The following ADGRV1 variants were observed in gnomAD, a reference collection of about 807,000 sequenced individuals.
The protein encoded by ADGRV1 is adhesion G protein-coupled receptor V1.
Under a neutral mutation model 596.2 loss-of-function variants are expected in ADGRV1, and 359 were observed. That is an observed-to-expected ratio of 0.60 (90% CI 0.55 to 0.66). The LOEUF is 0.66. Ranked by LOEUF, ADGRV1 falls within the 30% of genes least tolerant of loss-of-function variation. ADGRV1 has a pLI of 0.00. For missense variants in ADGRV1, 7,274 were observed against 7,575.6 expected, an observed-to-expected ratio of 0.96 and a Z score of 1.48; for synonymous variants, 2,681 against 2,679.2, an observed-to-expected ratio of 1.00 and a Z score of -0.02.
At chr5:90,930,713 C>T (rs1775163535) in intron 83 of ADGRV1, among the ~76,000 whole-genome samples, 2 of 152,068 alleles carry the variant, frequency 1.3e-5, no homozygotes, top group Non-Finnish European at 2.9e-5. Context: ...TTTTACTGCC[C>T]TAATCAACTT....
intron 1 of ADGRV1, among the ~76,000 whole-genome samples, chr5:90,563,070 T>G (rs1755068340): frequency 1.3e-5 from 2 of 152,228 alleles, no homozygotes; most frequent in African/African-American, 4.8e-5. Flanking sequence ...TCTGAGGTGC[T>G]GGTAGGGGCC....
chr5:90,632,744 A>G (rs1390535154), intron 9 of ADGRV1, among the ~76,000 whole-genome samples: 1 of 152,244 alleles, frequency 6.6e-6, no homozygotes, highest in Non-Finnish European at 1.5e-5. Context: ...TGGGTTAGAA[A>G]GTTGCACCAC....
At chr5:90,657,871 G>A in intron 20 of ADGRV1, 34 bp from the exon 21 acceptor site, 1 of 1,568,646 alleles carries the variant, frequency 6.4e-7, no homozygotes, top group Non-Finnish European at 8.7e-7. Flanking sequence ...ACACTTGAAG[G>A]TATTGTAGCA....
At chr5:90,722,262 G>C (rs1442017883) in intron 45 of ADGRV1, among the ~76,000 whole-genome samples, 1 of 152,144 alleles carries the variant, frequency 6.6e-6, no homozygotes, top group Non-Finnish European at 1.5e-5. Flanking sequence ...CTTCTAGCTT[G>C]TGCAGTTGGA....
intron 70 of ADGRV1, among the ~76,000 whole-genome samples, chr5:90,801,953 A>T (rs1418767091): frequency 6.6e-6 from 1 of 152,256 alleles, no homozygotes; most frequent in East Asian, 1.9e-4. Flanking sequence ...AACATAAATC[A>T]GTACACTGAA....
intron 62 of ADGRV1, among the ~76,000 whole-genome samples, 160 bp downstream of exon 62, chr5:90,778,203 C>T (rs542832241): frequency 4.7e-5 from 7 of 148,462 alleles, no homozygotes; most frequent in East Asian, 2.0e-4. Context: ...TTGGCGTGCA[C>T]GTGTGTGTGT....
At chr5:90,754,092 C>T (rs1000415621) in intron 54 of ADGRV1, among the ~76,000 whole-genome samples, 3 of 152,016 alleles carry the variant, frequency 2.0e-5, no homozygotes, top group Non-Finnish European at 4.4e-5. Flanking sequence ...GTAGAGGTGA[C>T]TGTTTTTTAT....
At chr5:91,049,598 ATAT>A (rs1208376666) in intron 85 of ADGRV1, among the ~76,000 whole-genome samples, 1 of 152,228 alleles carries the variant, frequency 6.6e-6, no homozygotes, top group African/African-American at 2.4e-5. Context: ...ATCAAGACAA[ATAT>A]TATCACTCAA....
intron 85 of ADGRV1, among the ~76,000 whole-genome samples, chr5:91,028,682 A>ATGACACCC (rs2151216723): frequency 6.7e-6 from 1 of 149,822 alleles, no homozygotes; most frequent in Non-Finnish European, 1.5e-5. Context: ...CAGATTTATC[A>ATGACACCC]TGACACCCAA....
rs1394900103 is a variant in ADGRV1, at chr5:90,711,252, A to G, written c.8972A>G (p.His2991Arg). ...CAGAGGAGCAGAGAACCTCTTGGCC[A>G]TGTTTCCTTATTTGTGTATGCTCAG... ...VAQRSREPLG[H>R]VSLFVYAQNL... Residue 2991 changes from histidine (H) to arginine (R), a missense_variant, in exon 41 of 90, where the codon CAT becomes CGT. His to Arg is a conservative substitution (Grantham distance 29). Around this residue, in one of 5 missense-constraint regions of ADGRV1, gnomAD observed 3,643 missense variants for 3,809.2 expected, o/e 0.96. Transcript: ENST00000405460. 5 of 1,613,022 alleles carry G rather than the reference A, an allele frequency of 3.1e-6. No individual in the cohort carries two copies. Among genetic ancestry groups the G allele is most frequent in the Non-Finnish European group, 4.2e-6 (5 of 1,179,278 alleles).
chr5:91,006,440 A>C (rs1782282613), intron 85 of ADGRV1, among the ~76,000 whole-genome samples: 1 of 152,224 alleles, frequency 6.6e-6, no homozygotes. Context: ...ATCCAGAAAT[A>C]AAGTAACTTT....
intron 85 of ADGRV1, among the ~76,000 whole-genome samples, chr5:91,066,674 C>T (rs548001354): frequency 6.6e-6 from 1 of 152,336 alleles, no homozygotes; most frequent in African/African-American, 2.4e-5. Context: ...TTGTTATCTG[C>T]ACCATGGGTT....
intron 83 of ADGRV1, among the ~76,000 whole-genome samples, chr5:90,955,983 A>G (rs1161660396): frequency 6.6e-6 from 1 of 152,160 alleles, no homozygotes; most frequent in African/African-American, 2.4e-5. Context: ...TTGCACAGTA[A>G]GGTTAGGCAA....
At chr5:90,937,422 C>T (rs1267566813) in intron 83 of ADGRV1, among the ~76,000 whole-genome samples, 1 of 151,312 alleles carries the variant, frequency 6.6e-6, no homozygotes, top group Non-Finnish European at 1.5e-5. Context: ...AAAGTTATCC[C>T]ATTTATTGTA....
At chr5:90,731,930 GTTTTA>G (rs1400487253) in intron 50 of ADGRV1, among the ~76,000 whole-genome samples, 1 of 152,074 alleles carries the variant, frequency 6.6e-6, no homozygotes, top group East Asian at 1.9e-4. Context: ...AGTGGCATTG[GTTTTA>G]TTTTAATTTT....
At chr5:90,628,886 C>T (rs1765143169) in intron 8 of ADGRV1, 54 bp downstream of exon 8, 1 of 1,531,640 alleles carries the variant, frequency 6.5e-7, no homozygotes, top group South Asian at 1.3e-5. Context: ...TGTACAAGAA[C>T]CAAAGAATTT....
At chr5:90,644,905 G>A (rs372553402) in intron 15 of ADGRV1, 36 bp downstream of exon 15, 3 of 1,355,886 alleles carry the variant, frequency 2.2e-6, no homozygotes, top group African/African-American at 1.5e-5. Context: ...CTTACTTGTT[G>A]TAGTTGATCA....
chr5:90,993,544 T>C (rs775427572), intron 85 of ADGRV1, among the ~76,000 whole-genome samples: 4 of 152,186 alleles, frequency 2.6e-5, no homozygotes, highest in Non-Finnish European at 5.9e-5. Flanking sequence ...AGATGGAATT[T>C]ACACATTTTT....
intron 11 of ADGRV1, among the ~76,000 whole-genome samples, chr5:90,641,793 G>T (rs1158654258): frequency 6.6e-6 from 1 of 152,164 alleles, no homozygotes; most frequent in East Asian, 1.9e-4. Context: ...GTTTAGAGCA[G>T]CTTGCAGGAT....
Sources: allele counts gnomAD v4.1 joint callset (sites outside exome capture counted in the v4.1 genomes callset), GRCh38; gene constraint gnomAD v4.1.1; regional missense constraint gnomAD v4.1.1; transcripts MANE v1.5; gene names NCBI Gene and HGNC (gene_info 2026-07-23, HGNC 2026-07-21).